SNRPG: variants seen among roughly 807,000 people sequenced by gnomAD.
SNRPG encodes the protein small nuclear ribonucleoprotein polypeptide G.
Under a neutral mutation model 13.9 loss-of-function variants are expected in SNRPG, and 3 were observed. That is an observed-to-expected ratio of 0.22 (90% CI 0.10 to 0.56). SNRPG has a LOEUF of 0.56. SNRPG is among the 20% of genes least tolerant of loss of function. The pLI, the probability that SNRPG is intolerant of heterozygous loss-of-function variation, is 0.93. For missense variants in SNRPG, 34 were observed against 96.1 expected (o/e 0.35, Z 2.70); for synonymous variants, 29 against 29.3 (o/e 0.99, Z 0.03).
At chr2:70,292,076 T>C (rs1156665298) in intron 1 of SNRPG, among the ~76,000 whole-genome samples, 1 of 150,606 alleles carries the variant, frequency 6.6e-6, no homozygotes, top group Non-Finnish European at 1.5e-5. Flanking sequence ...GCCTCCCGAG[T>C]AGCTGGGACT....
chr2:70,287,499 C>T (rs757545475), intron 3 of SNRPG: 79 of 557,364 alleles, frequency 1.4e-4, no homozygotes, highest in Non-Finnish European at 2.5e-4. Flanking sequence ...TTATTTTTTC[C>T]TGCTTTTTCT....
At chr2:70,284,594 G>A (rs1389516311) in intron 3 of SNRPG, among the ~76,000 whole-genome samples, 1 of 151,994 alleles carries the variant, frequency 6.6e-6, no homozygotes, top group Non-Finnish European at 1.5e-5. Flanking sequence ...ATGTTGCCCA[G>A]GCTTATCTCA....
intron 1 of SNRPG, 78 bp downstream of exon 1, chr2:70,293,540 G>A: frequency 8.3e-7 from 1 of 1,204,662 alleles, no homozygotes; most frequent in East Asian, 2.3e-5. Flanking sequence ...CAAGACATTC[G>A]GCTAACGGAG....
At chr2:70,290,083 T>C (rs926522024) in intron 1 of SNRPG, among the ~76,000 whole-genome samples, 2 of 150,588 alleles carry the variant, frequency 1.3e-5, no homozygotes, top group African/African-American at 2.4e-5. Context: ...TCGAAAAATA[T>C]ACTCCCCCTC....
At chr2:70,285,519 C>A (rs1696918720) in intron 3 of SNRPG, among the ~76,000 whole-genome samples, 1 of 152,046 alleles carries the variant, frequency 6.6e-6, no homozygotes, top group Admixed American at 6.6e-5. Context: ...TTGCAGTGAC[C>A]CGAGACCACA....
Position 70,282,258 on chromosome 2 carries a change from C to T in SNRPG, c.181-574G>A, listed in dbSNP as rs569333981. Among the ~76,000 whole-genome samples the T allele has an allele frequency of 5.3e-5, 8 of 152,206 alleles. No homozygotes were observed. The South Asian group carries it at 1.7e-3, about 32-fold the overall frequency. On this transcript the variant is annotated intron_variant, in intron 3 of 3. Transcript: ENST00000272348. ...AATGCAGGACTCAAATTTAAATGCCCATCCCTGACTCTATGGGATCCAAAA... is the reference window on the plus strand; with the variant it reads ...AATGCAGGACTCAAATTTAAATGCCTATCCCTGACTCTATGGGATCCAAAA...
Position 70,283,103 on chromosome 2 carries a change from A to AAAAC in SNRPG, c.181-1420_181-1419insGTTT, listed in dbSNP as rs1206906666. Among the ~76,000 whole-genome samples the AAAAC allele has an allele frequency of 1.4e-5, 2 of 145,322 alleles. 1 individual carries two copies. The highest frequency in any genetic ancestry group is 5.2e-5 in the African/African-American group (2 of 38,714). ...AGCGAAACTGTCTTTTGTCAAAAAA[A>AAAAC]AAAAAAAAAAAAAAAAAAAAACAAC... On this transcript the variant is annotated intron_variant, in intron 3 of 3. Transcript: ENST00000272348.
At chr2:70,283,164 T>A (rs1471415838) in intron 3 of SNRPG, among the ~76,000 whole-genome samples, 5 of 119,838 alleles carry the variant, frequency 4.2e-5, no homozygotes, top group Non-Finnish European at 1.7e-5. Context: ...GACAAACTTA[T>A]CAGAGTATAG....
At chr2:70,287,437 TACGGCCCA>T in intron 3 of SNRPG, 1 of 676,074 alleles carries the variant, frequency 1.5e-6, no homozygotes, top group Non-Finnish European at 2.7e-6. Context: ...TCACTAAAAC[TACGGCCCA>T]ATGAATGTAG....
At chr2:70,293,495 C>T in intron 1 of SNRPG, 123 bp downstream of exon 1, 7 of 911,594 alleles carry the variant, frequency 7.7e-6, no homozygotes, top group Non-Finnish European at 1.1e-5. Context: ...ATCCCGGCGA[C>T]CTCGGACCGG....
intron 3 of SNRPG, among the ~76,000 whole-genome samples, chr2:70,284,707 A>C (rs1313975892): frequency 2.0e-5 from 3 of 151,988 alleles, no homozygotes; most frequent in African/African-American, 7.3e-5. Flanking sequence ...TTAAATTCTC[A>C]ATTTTTTTTT....
chr2:70,286,593 A>G (rs1409681082), intron 3 of SNRPG, among the ~76,000 whole-genome samples: 1 of 152,142 alleles, frequency 6.6e-6, no homozygotes, highest in Non-Finnish European at 1.5e-5. Context: ...AGGCTGCCCA[A>G]CACACTAAGT....
chr2:70,282,061 A>C (rs1398345481), intron 3 of SNRPG, among the ~76,000 whole-genome samples: 1 of 152,122 alleles, frequency 6.6e-6, no homozygotes, highest in Non-Finnish European at 1.5e-5. Context: ...GGATTACAGG[A>C]GCCCTGACCA....
intron 3 of SNRPG, among the ~76,000 whole-genome samples, chr2:70,282,424 G>T (rs778100660): frequency 6.6e-6 from 1 of 152,174 alleles, no homozygotes; most frequent in Non-Finnish European, 1.5e-5. Flanking sequence ...TGGAAATTGG[G>T]CAGAATTTTG....
intron 1 of SNRPG, chr2:70,293,391 G>C: frequency 1.6e-6 from 1 of 628,932 alleles, no homozygotes; most frequent in Non-Finnish European, 2.9e-6. Context: ...GAGACTAGTC[G>C]GCCGGAAGGA....
chr2:70,281,532 C>T lies in SNRPG; in HGVS notation c.*102G>A, dbSNP rs924001449. 2 of 602,142 alleles carry T rather than the reference C, an allele frequency of 3.3e-6. No individual in the cohort carries two copies. The highest frequency in any genetic ancestry group is 1.9e-5 in the African/African-American group (1 of 52,398). 37.3% of individuals were successfully genotyped at this position (602,142 alleles called of 1,614,324 possible). A position where few individuals can be genotyped will look rare whatever the true frequency, so the allele number is the denominator to read the frequency against. Reference sequence around the variant, plus strand: ...TTGACTATTACAAAAGTTTATTTAACAAAAAGTCTAATATGAAAATGTACA... The same window carrying T: ...TTGACTATTACAAAAGTTTATTTAATAAAAAGTCTAATATGAAAATGTACA... On this transcript the variant is annotated 3_prime_UTR_variant, in exon 4 of 4. Transcript: ENST00000272348.
chr2:70,288,835 AAGAT>A (rs1271042715), intron 2 of SNRPG, among the ~76,000 whole-genome samples: 4 of 150,310 alleles, frequency 2.7e-5, no homozygotes, highest in Non-Finnish European at 3.0e-5. Flanking sequence ...GGGCTTACAT[AAGAT>A]AAAGTCTGAA....
At chr2:70,284,612 A>G (rs1317212833) in intron 3 of SNRPG, among the ~76,000 whole-genome samples, 2 of 152,086 alleles carry the variant, frequency 1.3e-5, no homozygotes, top group African/African-American at 4.8e-5. Context: ...TCAAACTCCT[A>G]GTCTCAAGTG....
chr2:70,282,566 A>G (rs2104907853), intron 3 of SNRPG, among the ~76,000 whole-genome samples: 1 of 152,342 alleles, frequency 6.6e-6, no homozygotes, highest in African/African-American at 2.4e-5. Flanking sequence ...GTTGGCATTC[A>G]ATCTTGGAAA....
Sources: gnomAD v4.1 joint callset for allele counts (sites outside exome capture counted in the v4.1 genomes callset) on GRCh38, gnomAD v4.1.1 for gene constraint, MANE v1.5 for transcripts, NCBI Gene and HGNC (gene_info 2026-07-23, HGNC 2026-07-21) for gene names.